Variants in SLC16A1 observed in about 807,000 individuals in gnomAD.
SLC16A1 encodes monocarboxylate transporter 1.
SLC16A1 carries 11 observed loss-of-function variants against 32.2 expected under a neutral mutation model. The ratio of observed to expected loss-of-function variants is 0.34; its 90% CI spans 0.21 to 0.56. SLC16A1 has a LOEUF of 0.56. SLC16A1 is among the 20% of genes least tolerant of loss of function. The probability of loss-of-function intolerance (pLI) is 0.87; values close to 1 mark genes in which losing one functional copy is unlikely to be tolerated. For missense variants in SLC16A1, 435 were observed against 615.0 expected, an observed-to-expected ratio of 0.71 and a Z score of 3.10; for synonymous variants, 231 against 226.8, an observed-to-expected ratio of 1.02 and a Z score of -0.17.
chr1:112,947,375 T>C (rs1323041863), intron 1 of SLC16A1, among the ~76,000 whole-genome samples: 1 of 152,190 alleles, frequency 6.6e-6, no homozygotes, highest in Non-Finnish European at 1.5e-5. Context: ...AATATATTAA[T>C]AATAGATGGT....
At chr1:112,946,750 G>C (rs565323530) in intron 1 of SLC16A1, among the ~76,000 whole-genome samples, 2 of 152,066 alleles carry the variant, frequency 1.3e-5, no homozygotes, top group African/African-American at 2.4e-5. Flanking sequence ...AAGGGGTTTC[G>C]CCATGTTGGT....
At chr1:112,935,783 C>A (rs1649280778) in intron 1 of SLC16A1, 1 of 152,204 alleles carries the variant, frequency 6.6e-6, no homozygotes, top group Admixed American at 6.5e-5. Context: ...AATATTCATA[C>A]TGACAAAACA....
At chr1:112,914,211 GT>G (rs147659480) in intron 4 of SLC16A1, 46 bp from the exon 5 acceptor site, 417 of 1,590,562 alleles carry the variant, frequency 2.6e-4, no homozygotes, top group East Asian at 1.3e-3. Context: ...AGAGTAAACA[GT>G]TTTTTTTTCC....
chr1:112,944,996 T>A (rs1019129712), intron 1 of SLC16A1, among the ~76,000 whole-genome samples: 1 of 23,302 alleles, frequency 4.3e-5, no homozygotes, highest in African/African-American at 3.3e-4. Flanking sequence ...CCCAGCCTCT[T>A]TTTTTTTTTT....
intron 1 of SLC16A1, 75 bp from the exon 2 acceptor site, chr1:112,929,427 T>C (rs1649049585): frequency 7.2e-6 from 6 of 839,038 alleles, no homozygotes; most frequent in Admixed American, 2.0e-5. Flanking sequence ...ATAAGAAATA[T>C]AGCCAATCGT....
chr1:112,931,709 C>T (rs1325097480), intron 1 of SLC16A1, among the ~76,000 whole-genome samples: 1 of 148,902 alleles, frequency 6.7e-6, no homozygotes, highest in Non-Finnish European at 1.5e-5. Flanking sequence ...CTTGAATTCA[C>T]TTAGTACTAA....
At position 112,913,898 on chromosome 1, in the gene SLC16A1, G is replaced by A; in HGVS notation, c.1496C>T (p.Pro499Leu). Residue 499 changes from proline (P) to leucine (L), a missense_variant, in exon 5 of 5, where the codon CCA becomes CTA. Physicochemically the swap from Pro to Leu is moderately conservative, Grantham distance 98. This residue lies in a region of SLC16A1 where 111 missense variants were observed against 114.7 expected (regional missense o/e 0.97). Coordinates refer to ENST00000369626, the MANE Select transcript of SLC16A1 (RefSeq NM_003051.4). ...CCCTTCAGCCCCATGGATTCAGACT[G>A]GACTTTCCTCCTCCTTGGGCCCTCC... is the stretch of plus-strand genomic sequence containing the variant. ...TDGGPKEEES[P>L]V The A allele has an allele frequency of 6.2e-7, 1 of 1,614,146 alleles. No homozygotes were observed. Among genetic ancestry groups the A allele is most frequent in the South Asian group, 1.1e-5 (1 of 91,082 alleles).
chr1:112,944,207 T>C (rs1272875981), intron 1 of SLC16A1, among the ~76,000 whole-genome samples: 1 of 152,084 alleles, frequency 6.6e-6, no homozygotes, highest in East Asian at 1.9e-4. Flanking sequence ...TCCCAGCACT[T>C]TGGGAGGCAG....
At chr1:112,954,940 T>C (rs1650022034) in intron 1 of SLC16A1, among the ~76,000 whole-genome samples, 1 of 152,230 alleles carries the variant, frequency 6.6e-6, no homozygotes, top group East Asian at 1.9e-4. Context: ...AGTCTTTGCA[T>C]CACCTCACTG....
At chr1:112,937,921 G>A (rs893284692) in intron 1 of SLC16A1, among the ~76,000 whole-genome samples, 1 of 152,042 alleles carries the variant, frequency 6.6e-6, no homozygotes, top group Non-Finnish European at 1.5e-5. Context: ...ACGGTGATAA[G>A]AATCACCTTC....
intron 2 of SLC16A1, chr1:112,923,480 C>A: frequency 1.2e-6 from 1 of 818,684 alleles, no homozygotes; most frequent in South Asian, 1.4e-5. Context: ...TAGTCACCCG[C>A]GCCTTCCTGG....
intron 2 of SLC16A1, chr1:112,924,440 A>T: frequency 1.1e-6 from 1 of 886,608 alleles, no homozygotes; most frequent in African/African-American, 1.7e-5. Flanking sequence ...ATTCTTAGGG[A>T]TGGAAGTATT....
At chr1:112,941,391 C>G (rs1263521230) in intron 1 of SLC16A1, among the ~76,000 whole-genome samples, 1 of 151,664 alleles carries the variant, frequency 6.6e-6, no homozygotes, top group Non-Finnish European at 1.5e-5. Flanking sequence ...AAGCAATTCT[C>G]CTGCCTCAGC....
Position 112,929,369 on chromosome 1 carries a change from T to A in SLC16A1, c.-44-17A>T, listed in dbSNP as rs1297984508. 7.4e-7 allele frequency: 1 copy of A among 1,357,900 alleles called. No individual in the cohort carries two copies. The highest frequency in any genetic ancestry group is 1.4e-5 in the African/African-American group (1 of 69,450). The allele number at this position is 1,357,900 out of a possible 1,614,324, so 84.1% of individuals were successfully genotyped here. ...TCCAAATATCTGAAAGACATAAAAT[T>A]AAAATAGTATGTCAATATAAGGCAC... On this transcript the variant is annotated splice_polypyrimidine_tract_variant and intron_variant, in intron 1 of 4. Transcript: ENST00000369626.
chr1:112,918,136 T>C lies in SLC16A1; in HGVS notation c.362-92A>G. 7 of 965,094 alleles carry C rather than the reference T, an allele frequency of 7.3e-6. 1 individual carries two copies. In the South Asian group the frequency reaches 1.7e-4, roughly 24 times the overall value. 59.8% of individuals were successfully genotyped at this position (965,094 alleles called of 1,614,324 possible). On this transcript the variant is annotated intron_variant, in intron 3 of 4. Coordinates refer to ENST00000369626, the MANE Select transcript of SLC16A1 (RefSeq NM_003051.4). ...TATAAATAATGGAAGGAATAGGATA[T>C]AAATCCTCATTATTAGAGGACATGT...
At chr1:112,919,175 C>T (rs1214487362) in intron 3 of SLC16A1, among the ~76,000 whole-genome samples, 1 of 151,874 alleles carries the variant, frequency 6.6e-6, no homozygotes, top group Non-Finnish European at 1.5e-5. Flanking sequence ...GGACTACAGG[C>T]GCCCGCCACC....
At chr1:112,927,696 G>C (rs1445526279) in intron 2 of SLC16A1, among the ~76,000 whole-genome samples, 2 of 152,174 alleles carry the variant, frequency 1.3e-5, no homozygotes, top group African/African-American at 4.8e-5. Flanking sequence ...TCAAAAAAAT[G>C]TGCTAGTTAT....
chr1:112,950,706 G>A (rs549361547), intron 1 of SLC16A1, among the ~76,000 whole-genome samples: 1 of 152,186 alleles, frequency 6.6e-6, no homozygotes, highest in Non-Finnish European at 1.5e-5. Flanking sequence ...CCAGAAGATT[G>A]TTATTGCTAG....
intron 1 of SLC16A1, among the ~76,000 whole-genome samples, chr1:112,941,612 C>A (rs888834984): frequency 1.5e-4 from 23 of 152,102 alleles, no homozygotes; most frequent in African/African-American, 5.6e-4. Context: ...AAATACCATA[C>A]GTATTCTTGG....
Sources: gnomAD v4.1 joint callset for allele counts (sites outside exome capture counted in the v4.1 genomes callset) on GRCh38, gnomAD v4.1.1 for gene constraint, gnomAD v4.1.1 regional missense constraint, MANE v1.5 for transcripts, NCBI Gene and HGNC (gene_info 2026-07-23, HGNC 2026-07-21) for gene names.